Variants in GPR4 observed in about 807,000 individuals in gnomAD.
GPR4 encodes G protein-coupled receptor 4, also known as G-prodeshotein coupled receptor 4.
GPR4 carries 11 observed loss-of-function variants against 17.8 expected under a neutral mutation model. The ratio of observed to expected loss-of-function variants is 0.62; its 90% CI spans 0.39 to 1.02. The LOEUF is 1.02. Ranked by LOEUF, GPR4 falls within the 50% of genes least tolerant of loss-of-function variation. The pLI, the probability that GPR4 is intolerant of heterozygous loss-of-function variation, is 0.00. For synonymous variants in GPR4, 219 were observed against 222.8 expected (o/e 0.98, Z 0.15); for missense variants, 364 against 495.4 (o/e 0.73, Z 2.52).
In GPR4 at chr19:45,591,895, C is replaced by A; in HGVS notation, c.-29G>T. On this transcript the variant is annotated 5_prime_UTR_variant, in exon 2 of 2. An upstream open reading frame in the 5' UTR gains an earlier in-frame stop. Transcript: ENST00000323040. This position sits in a 1 kb window ranked among gnomAD's most constrained non-coding sequence, Gnocchi z 7.6. The stretch of plus-strand genomic sequence containing the variant: ...GGGCACTTCGGCTTCTGGGGCGCTT[C>A]CCCTGGCCCACGGGGGCTGTGGGGC... The A allele has an allele frequency of 1.3e-6, 2 of 1,531,934 alleles. No individual in the cohort carries two copies. The highest frequency in any genetic ancestry group is 1.8e-6 in the Non-Finnish European group (2 of 1,138,082). 94.9% of individuals were successfully genotyped at this position (1,531,934 alleles called of 1,614,324 possible).
intron 1 of GPR4, among the ~76,000 whole-genome samples, chr19:45,598,498 C>T (rs1970080494): frequency 1.3e-5 from 2 of 152,030 alleles, no homozygotes; most frequent in African/African-American, 4.8e-5. Context: ...CCAGCTCTCA[C>T]CCCTCCTCCC....
chr19:45,595,071 G>A (rs959659071), intron 1 of GPR4, among the ~76,000 whole-genome samples: 1 of 152,098 alleles, frequency 6.6e-6, no homozygotes, highest in African/African-American at 2.4e-5. Flanking sequence ...GAGGTCGGGA[G>A]TTCGAGACCA....
chr19:45,594,502 C>T (rs1363209976), intron 1 of GPR4, among the ~76,000 whole-genome samples: 9 of 151,876 alleles, frequency 5.9e-5, no homozygotes, highest in Middle Eastern at 3.4e-3. Context: ...CCACCATGCC[C>T]GGCCAATTTA....
rs1406896406 is a variant in GPR4, at chr19:45,597,183, C to T, written c.-831-4486G>A. ...ACCTGGGTTCAAGTGAGTCTCCTGC[C>T]TTGGCTTCCTGAGTAGTTGGGATTA... On this transcript the variant is annotated intron_variant, in intron 1 of 1. Transcript: ENST00000323040. Among the ~76,000 whole-genome samples the T allele has an allele frequency of 3.3e-5, 5 of 152,138 alleles. No individual in the cohort carries two copies. The East Asian group carries it at 5.8e-4, about 18-fold the overall frequency.
chr19:45,590,589 G>C lies in GPR4; in HGVS notation c.*189C>G. The C allele has an allele frequency of 3.2e-6, 2 of 633,088 alleles. No individual in the cohort carries two copies. The highest frequency in any genetic ancestry group is 5.1e-6 in the Non-Finnish European group (2 of 394,882). 39.2% of individuals were successfully genotyped at this position (633,088 alleles called of 1,614,324 possible). The stretch of plus-strand genomic sequence containing the variant: ...CTCCTTCAGGAGGCCCTCCACAATC[G>C]CCAAACTGTGATGGGATCTGGGAGC... On this transcript the variant is annotated 3_prime_UTR_variant, in exon 2 of 2. Transcript: ENST00000323040.
At chr19:45,598,718 C>T (rs1367171647) in intron 1 of GPR4, among the ~76,000 whole-genome samples, 3 of 152,286 alleles carry the variant, frequency 2.0e-5, no homozygotes, top group South Asian at 2.1e-4. Context: ...CTGACCCCTT[C>T]CTGGTACAGA....
chr19:45,594,046 TAA>T (rs1177623997), intron 1 of GPR4, among the ~76,000 whole-genome samples: 1,095 of 50,180 alleles, frequency 0.022, 26 homozygotes, highest in Non-Finnish European at 0.026. Flanking sequence ...ATGCCTGGCT[TAA>T]AAAAAAAAAA....
chr19:45,601,200 G>A (rs1208124302), intron 1 of GPR4, among the ~76,000 whole-genome samples: 13 of 152,240 alleles, frequency 8.5e-5, no homozygotes, highest in Non-Finnish European at 1.5e-5. Context: ...TATCCAGCCT[G>A]AGTACGCACA....
intron 1 of GPR4, among the ~76,000 whole-genome samples, chr19:45,598,746 G>A (rs940435247): frequency 1.2e-4 from 18 of 152,170 alleles, no homozygotes; most frequent in East Asian, 5.8e-4. Flanking sequence ...ACCGAGGCCC[G>A]CAGCAGCAAG....
At chr19:45,601,800 A>T (rs1970114352) in intron 1 of GPR4, among the ~76,000 whole-genome samples, 2 of 151,930 alleles carry the variant, frequency 1.3e-5, no homozygotes, top group Admixed American at 1.3e-4. Context: ...AAACAGAGAG[A>T]CAGAGACAGA....
At chr19:45,593,913 T>C (rs1037553755) in intron 1 of GPR4, among the ~76,000 whole-genome samples, 4 of 150,898 alleles carry the variant, frequency 2.7e-5, no homozygotes, top group Non-Finnish European at 4.4e-5. Flanking sequence ...AGGGTCTTGC[T>C]CTTTTGTCCA....
Position 45,591,755 on chromosome 19 carries a change from C to A in GPR4, c.112G>T (p.Ala38Ser). ...ACCTGGCGGTAGGCCGCCCACAGAG[C>A]CAGGCAGTTGGTGGGCAGCCCCACG... is the stretch of plus-strand genomic sequence containing the variant. Reference protein sequence around the residue: ...IGVGLPTNCLALWAAYRQVQQ... With the variant: ...IGVGLPTNCLSLWAAYRQVQQ... Residue 38 changes from alanine (A) to serine (S), a missense_variant, in exon 2 of 2, where the codon GCT (alanine) becomes TCT (serine). Ala to Ser is a moderately conservative substitution (Grantham distance 99). Transcript: ENST00000323040. This position sits in a 1 kb window ranked among gnomAD's most constrained non-coding sequence, Gnocchi z 7.6. 1 of 1,613,804 alleles carries A rather than the reference C, an allele frequency of 6.2e-7. No individual in the cohort carries two copies.
chr19:45,601,583 A>C (rs982663621), intron 1 of GPR4, among the ~76,000 whole-genome samples: 16 of 152,170 alleles, frequency 1.1e-4, no homozygotes, highest in Non-Finnish European at 1.8e-4. Flanking sequence ...ATTTGGAAGG[A>C]GAGAAGACAG....
In GPR4 at chr19:45,590,589, G is replaced by A. The variant is rs1430352172; in HGVS notation, c.*189C>T. 6 of 632,970 alleles carry A rather than the reference G, an allele frequency of 9.5e-6. No homozygotes were observed. Among genetic ancestry groups the A allele is most frequent in the South Asian group, 5.8e-5 (2 of 34,522 alleles). 39.2% of individuals were successfully genotyped at this position (632,970 alleles called of 1,614,324 possible). A position where few individuals can be genotyped will look rare whatever the true frequency, so the allele number is the denominator to read the frequency against. On this transcript the variant is annotated 3_prime_UTR_variant, in exon 2 of 2. Transcript: ENST00000323040. ...CTCCTTCAGGAGGCCCTCCACAATC[G>A]CCAAACTGTGATGGGATCTGGGAGC...
Position 45,591,945 on chromosome 19 carries a change from C to T in GPR4, c.-79G>A. ...CCACAGGGAGCGGGAGGCCATGGGG[C>T]CCCCTGAGCCCCTTCCTTGGAGGCT... On this transcript the variant is annotated 5_prime_UTR_variant, in exon 2 of 2. Transcript: ENST00000323040. The surrounding 1 kb of genome is among the most constrained non-coding windows in gnomAD (Gnocchi z 7.6). 2.1e-6 allele frequency: 3 copies of T among 1,442,784 alleles called. No individual in the cohort carries two copies. The highest frequency in any genetic ancestry group is 2.4e-5 in the East Asian group (1 of 42,304). The allele number at this position is 1,442,784 out of a possible 1,614,324, so 89.4% of individuals were successfully genotyped here.
chr19:45,599,371 C>T (rs1018748864), intron 1 of GPR4, among the ~76,000 whole-genome samples: 1 of 152,022 alleles, frequency 6.6e-6, no homozygotes, highest in Non-Finnish European at 1.5e-5. Flanking sequence ...GTCCCCGATG[C>T]CACCAGGCTA....
Position 45,591,870 on chromosome 19 carries a change from G to A in GPR4, c.-4C>T, listed in dbSNP as rs748453726. The A allele has an allele frequency of 9.1e-6, 14 of 1,545,754 alleles. No homozygotes were observed. In the South Asian group the frequency reaches 1.6e-4, roughly 18 times the overall value. On this transcript the variant is annotated 5_prime_UTR_variant, in exon 2 of 2. Transcript: ENST00000323040. The surrounding 1 kb of genome is among the most constrained non-coding windows in gnomAD (Gnocchi z 7.6). The stretch of plus-strand genomic sequence containing the variant: ...CCTCCCACGTGTGGTTGCCCATGGT[G>A]GGCACTTCGGCTTCTGGGGCGCTTC...
chr19:45,594,094 A>ATATATATTTT, intron 1 of GPR4, among the ~76,000 whole-genome samples: 1 of 112,922 alleles, frequency 8.9e-6, no homozygotes, highest in Admixed American at 9.8e-5. Flanking sequence ...ATATATATAT[A>ATATATATTTT]AAATAGATGC....
Position 45,591,648 on chromosome 19 carries a change from C to T in GPR4, c.219G>A (p.Trp73Ter). The change falls in exon 2 of 2, where the codon TGG becomes TGA. Residue 73 changes from tryptophan (W) to a stop codon, truncating the protein, a stop_gained. Coordinates refer to ENST00000323040, the MANE Select transcript of GPR4 (RefSeq NM_005282.3). LOFTEE classifies it high-confidence loss of function. The surrounding 1 kb of genome is among the most constrained non-coding windows in gnomAD (Gnocchi z 7.6). Reference protein sequence around the residue: ...DLLYICTLPLWVDYFLHHDNW... With the variant: ...DLLYICTLPL Reference sequence around the variant, plus strand: ...TGTCGTGGTGCAGGAAGTAGTCCACCCACAGCGGCAGCGTGCAGATGTACA... The same window carrying T: ...TGTCGTGGTGCAGGAAGTAGTCCACTCACAGCGGCAGCGTGCAGATGTACA... The T allele has an allele frequency of 6.2e-7, 1 of 1,614,048 alleles. No individual in the cohort carries two copies. The highest frequency in any genetic ancestry group is 2.2e-5 in the East Asian group (1 of 44,880).
Sources: gnomAD v4.1 joint callset for allele counts (sites outside exome capture counted in the v4.1 genomes callset) on GRCh38, gnomAD v4.1.1 for gene constraint, Gnocchi (gnomAD v3.1) non-coding constraint, MANE v1.5 for transcripts, NCBI Gene and HGNC (gene_info 2026-07-23, HGNC 2026-07-21) for gene names.